The following ADAM23 variants were observed in gnomAD, a reference collection of about 807,000 sequenced individuals.
ADAM23 encodes the protein ADAM metallopeptidase domain 23.
In ADAM23, 33 loss-of-function variants were observed where a neutral mutation model predicts 120.1. The ratio of observed to expected loss-of-function variants is 0.27; its 90% CI spans 0.21 to 0.37. ADAM23 has a LOEUF of 0.37. Among genes scored for constraint, ADAM23 ranks in the 10% least tolerant of loss-of-function variants. ADAM23 has a pLI of 1.00. For missense variants in ADAM23, 862 were observed against 1,058.2 expected, an observed-to-expected ratio of 0.81 and a Z score of 2.57; for synonymous variants, 367 against 375.2, an observed-to-expected ratio of 0.98 and a Z score of 0.25.
intron 4 of ADAM23, among the ~76,000 whole-genome samples, chr2:206,534,236 G>T (rs1697128288): frequency 6.6e-6 from 1 of 152,094 alleles, no homozygotes; most frequent in Admixed American, 6.5e-5. Context: ...CAATAGATTT[G>T]CCTATTCTGG....
intron 2 of ADAM23, among the ~76,000 whole-genome samples, chr2:206,469,732 C>G (rs1238146090): frequency 6.6e-6 from 1 of 152,180 alleles, no homozygotes; most frequent in Non-Finnish European, 1.5e-5. Context: ...ATTGCCTGCA[C>G]AACTCCTCTA....
intron 23 of ADAM23, among the ~76,000 whole-genome samples, chr2:206,595,193 A>G (rs1698501732): frequency 6.6e-6 from 1 of 152,140 alleles, no homozygotes; most frequent in Admixed American, 6.6e-5. Context: ...AACAACAACA[A>G]CAAAAAAGGC....
chr2:206,578,810 C>G (rs1202821120), intron 18 of ADAM23, among the ~76,000 whole-genome samples: 5 of 152,154 alleles, frequency 3.3e-5, no homozygotes, highest in Admixed American at 1.3e-4. Context: ...TTTAAGGAAT[C>G]TCCACACTGT....
At chr2:206,567,702 T>C (rs796196450) in intron 15 of ADAM23, among the ~76,000 whole-genome samples, 22 of 152,338 alleles carry the variant, frequency 1.4e-4, no homozygotes, top group African/African-American at 5.3e-4. Flanking sequence ...AAAAATTCCA[T>C]TTCTCCTTGA....
At chr2:206,508,186 C>A (rs183906265) in intron 3 of ADAM23, among the ~76,000 whole-genome samples, 2 of 152,092 alleles carry the variant, frequency 1.3e-5, no homozygotes, top group Non-Finnish European at 2.9e-5. Context: ...TCCACCACCA[C>A]GCCCAGCTAA....
intron 3 of ADAM23, among the ~76,000 whole-genome samples, chr2:206,513,395 T>G (rs914188841): frequency 1.3e-5 from 2 of 152,164 alleles, no homozygotes; most frequent in Non-Finnish European, 2.9e-5. Context: ...GGATAGAAGA[T>G]CAAACCAGCC....
chr2:206,484,713 G>T (rs926595264), intron 3 of ADAM23, among the ~76,000 whole-genome samples: 13 of 152,168 alleles, frequency 8.5e-5, no homozygotes, highest in Non-Finnish European at 1.6e-4. Flanking sequence ...CATGAGAGCT[G>T]CACTCAAGTG....
At chr2:206,570,061 G>A (rs1163418343) in intron 15 of ADAM23, among the ~76,000 whole-genome samples, 3 of 152,164 alleles carry the variant, frequency 2.0e-5, no homozygotes, top group Non-Finnish European at 4.4e-5. Flanking sequence ...TACCTTTACA[G>A]TTGCTCTATA....
intron 3 of ADAM23, among the ~76,000 whole-genome samples, chr2:206,507,000 A>T (rs1033064328): frequency 6.6e-6 from 1 of 152,244 alleles, no homozygotes; most frequent in African/African-American, 2.4e-5. Context: ...AGAGGATCTG[A>T]AAAATGTTGG....
chr2:206,557,481 G>T lies in ADAM23; in HGVS notation c.988G>T (p.Val330Phe), dbSNP rs1198531685. 1 of 1,613,226 alleles carries T rather than the reference G, an allele frequency of 6.2e-7. No individual in the cohort carries two copies. Among genetic ancestry groups the T allele is most frequent in the Non-Finnish European group, 8.5e-7 (1 of 1,179,252 alleles). ...AHTNNFAKSV[V>F]NLVDSIYKEQ... Reference sequence around the variant, plus strand: ...TACCAACAACTTTGCAAAGTCCGTGGTCAACCTTGTGGATTCTGTAAGTAT... The same window carrying T: ...TACCAACAACTTTGCAAAGTCCGTGTTCAACCTTGTGGATTCTGTAAGTAT... The change falls in exon 10 of 26, where the codon GTC becomes TTC. Residue 330 changes from valine (V) to phenylalanine (F), a missense_variant. Physicochemically the swap from Val to Phe is conservative, Grantham distance 50. Around this residue, in one of 4 missense-constraint regions of ADAM23, gnomAD observed 617 missense variants for 813.5 expected, o/e 0.76. Transcript: ENST00000264377.
chr2:206,518,151 T>G (rs1696771099), intron 3 of ADAM23, among the ~76,000 whole-genome samples: 1 of 152,234 alleles, frequency 6.6e-6, no homozygotes, highest in Non-Finnish European at 1.5e-5. Flanking sequence ...AGATCTGTTC[T>G]GCATTTTTCT....
intron 3 of ADAM23, among the ~76,000 whole-genome samples, chr2:206,494,879 A>G (rs1696205972): frequency 6.6e-6 from 1 of 150,924 alleles, no homozygotes; most frequent in East Asian, 1.9e-4. Context: ...AATGCTATCA[A>G]CTGGAAGAAA....
At chr2:206,478,003 G>A (rs1268664946) in intron 2 of ADAM23, among the ~76,000 whole-genome samples, 1 of 150,124 alleles carries the variant, frequency 6.7e-6, no homozygotes, top group Non-Finnish European at 1.5e-5. Flanking sequence ...TAAAAACTGT[G>A]TAATATTTTG....
intron 4 of ADAM23, 53 bp downstream of exon 4, chr2:206,531,001 G>GT: frequency 6.7e-7 from 1 of 1,482,406 alleles, no homozygotes; most frequent in Middle Eastern, 1.7e-4. Flanking sequence ...TTATCATAGA[G>GT]TTGATCAGTG....
chr2:206,520,648 C>A (rs185988026), intron 3 of ADAM23, among the ~76,000 whole-genome samples: 1 of 152,090 alleles, frequency 6.6e-6, no homozygotes, highest in Non-Finnish European at 1.5e-5. Flanking sequence ...TGGTCTCTTG[C>A]CGTTCTCTCC....
chr2:206,498,523 T>C (rs560624885), intron 3 of ADAM23, among the ~76,000 whole-genome samples: 7 of 152,228 alleles, frequency 4.6e-5, no homozygotes, highest in African/African-American at 1.7e-4. Context: ...AAGACTTACA[T>C]GTTAGACCTA....
chr2:206,587,681 T>C (rs948182424), intron 19 of ADAM23, among the ~76,000 whole-genome samples: 4 of 152,068 alleles, frequency 2.6e-5, no homozygotes, highest in African/African-American at 9.7e-5. Flanking sequence ...TGAAAGAAAA[T>C]ATGACAATCT....
At chr2:206,587,999 T>C (rs1462151503) in intron 19 of ADAM23, 92 bp from the exon 20 acceptor site, 7 of 1,347,682 alleles carry the variant, frequency 5.2e-6, no homozygotes, top group Non-Finnish European at 7.4e-6. Flanking sequence ...GAAAAAACTT[T>C]ATCCAAGTGA....
intron 12 of ADAM23, 124 bp downstream of exon 12, chr2:206,561,336 T>C: frequency 1.2e-6 from 1 of 800,516 alleles, no homozygotes; most frequent in Admixed American, 2.3e-5. Flanking sequence ...GAGTGGCTTA[T>C]GTTATTAATA....
Sources: allele counts gnomAD v4.1 joint callset (sites outside exome capture counted in the v4.1 genomes callset), GRCh38; gene constraint gnomAD v4.1.1; regional missense constraint gnomAD v4.1.1; transcripts MANE v1.5; gene names NCBI Gene and HGNC (gene_info 2026-07-23, HGNC 2026-07-21).